GPR137B: variants seen among roughly 807,000 people sequenced by gnomAD.
GPR137B encodes G protein-coupled receptor 137B, also known as integral membrane protein GPR137B.
Under a neutral mutation model 42.5 loss-of-function variants are expected in GPR137B, and 42 were observed. The ratio of observed to expected loss-of-function variants is 0.99; its 90% CI spans 0.77 to 1.28. The LOEUF is 1.28. Among genes scored for constraint, GPR137B ranks in the 50% most tolerant of loss-of-function variants. The pLI, the probability that GPR137B is intolerant of heterozygous loss-of-function variation, is 0.00. For synonymous variants in GPR137B, 218 were observed against 209.7 expected, an observed-to-expected ratio of 1.04 and a Z score of -0.34; for missense variants, 487 against 493.9, an observed-to-expected ratio of 0.99 and a Z score of 0.13.
chr1:236,143,128 GGTC>G, intron 1 of GPR137B, 92 bp downstream of exon 1: 1 of 1,139,404 alleles, frequency 8.8e-7, no homozygotes, highest in South Asian at 1.5e-5. Context: ...CGCGGGGGCG[GGTC>G]CGGCCCTAGG....
At chr1:236,178,290 G>C in intron 2 of GPR137B, 124 bp from the exon 3 acceptor site, 1 of 644,924 alleles carries the variant, frequency 1.6e-6, no homozygotes, top group Admixed American at 2.7e-5. Flanking sequence ...TCTATTGCCA[G>C]AGTCCAAGCT....
chr1:236,154,968 T>C (rs1661977132), intron 1 of GPR137B, among the ~76,000 whole-genome samples: 1 of 152,198 alleles, frequency 6.6e-6, no homozygotes, highest in Non-Finnish European at 1.5e-5. Flanking sequence ...GCTGGTAAAC[T>C]GTGAACTGCA....
intron 5 of GPR137B, among the ~76,000 whole-genome samples, chr1:236,201,287 A>T (rs990952057): frequency 6.6e-6 from 1 of 152,046 alleles, no homozygotes; most frequent in Admixed American, 6.5e-5. Flanking sequence ...TTATTTTCCC[A>T]GGTGTTCTTT....
rs749223510 is a variant in GPR137B, at chr1:236,208,115, T to C, written c.1157T>C (p.Leu386Ser). Residue 386 changes from leucine (L) to serine (S), a missense_variant, in exon 7 of 7, where the codon TTG (leucine) becomes TCG (serine). By Grantham distance (145) the Leu-to-Ser change is moderately radical (BLOSUM62 -2). Transcript: ENST00000366592. ...TNSFLAQAGTLQDSTLDPDKP... is the reference protein window; with the variant it reads ...TNSFLAQAGTSQDSTLDPDKP... ...AGCTTCCTGGCACAAGCAGGAACTTTGCAAGACTCAACTTTGGATCCTGAC... is the reference window on the plus strand; with the variant it reads ...AGCTTCCTGGCACAAGCAGGAACTTCGCAAGACTCAACTTTGGATCCTGAC... 12 of 1,613,678 alleles carry C rather than the reference T, an allele frequency of 7.4e-6. No individual in the cohort carries two copies. The highest frequency in any genetic ancestry group is 1.0e-5 in the Non-Finnish European group (12 of 1,179,604).
At chr1:236,202,970 C>T (rs1663539518) in intron 5 of GPR137B, among the ~76,000 whole-genome samples, 1 of 152,148 alleles carries the variant, frequency 6.6e-6, no homozygotes, top group Admixed American at 6.5e-5. Context: ...GTCTTTTCCC[C>T]AGTGTATGTT....
At chr1:236,144,365 G>A (rs142345130) in intron 1 of GPR137B, among the ~76,000 whole-genome samples, 3,688 of 152,198 alleles carry the variant, frequency 0.024, 143 homozygotes, top group African/African-American at 0.084. Context: ...AGCAGAGATT[G>A]AACCACTGCA....
chr1:236,207,530 T>C lies in GPR137B; in HGVS notation c.1092-520T>C, dbSNP rs116541029. Among the ~76,000 whole-genome samples the C allele has an allele frequency of 2.8e-3, 422 of 152,334 alleles. 2 individuals carry two copies. The highest frequency in any genetic ancestry group is 9.7e-3 in the African/African-American group (403 of 41,578). On this transcript the variant is annotated intron_variant, in intron 6 of 6. Coordinates refer to ENST00000366592, the MANE Select transcript of GPR137B (RefSeq NM_003272.4). ...CCGATATGGTGAAGACAAGACCCCCTTTCTACTACATAGAGGAACATAATT... is the reference window on the plus strand; with the variant it reads ...CCGATATGGTGAAGACAAGACCCCCCTTCTACTACATAGAGGAACATAATT...
At chr1:236,201,552 T>C (rs1663494756) in intron 5 of GPR137B, among the ~76,000 whole-genome samples, 1 of 152,052 alleles carries the variant, frequency 6.6e-6, no homozygotes, top group South Asian at 2.1e-4. Flanking sequence ...CTTGATTCTA[T>C]TGTTGAAACT....
rs2102924153 is a variant in GPR137B, at chr1:236,199,471, A to T, written c.967-5655A>T. 1.3e-5 allele frequency among the ~76,000 whole-genome samples: 2 copies of T among 152,278 alleles called. 1 individual carries two copies. Among genetic ancestry groups the T allele is most frequent in the African/African-American group, 4.8e-5 (2 of 41,572 alleles). On this transcript the variant is annotated intron_variant, in intron 5 of 6. Transcript: ENST00000366592. Reference sequence around the variant, plus strand: ...ACGGTTTCAGAATAAGATTGGTACCAATTCTTCTTTGAATATCTGATAGAA... The same window carrying T: ...ACGGTTTCAGAATAAGATTGGTACCTATTCTTCTTTGAATATCTGATAGAA...
chr1:236,179,010 G>T (rs142954001), intron 3 of GPR137B, among the ~76,000 whole-genome samples: 3,199 of 151,522 alleles, frequency 0.021, 142 homozygotes, highest in African/African-American at 0.074. Flanking sequence ...TGTTAGCCAG[G>T]ATGGTCTCAA....
intron 1 of GPR137B, among the ~76,000 whole-genome samples, chr1:236,148,475 A>G (rs980821233): frequency 6.6e-6 from 1 of 152,178 alleles, no homozygotes; most frequent in African/African-American, 2.4e-5. Flanking sequence ...AACTCCTGCC[A>G]TTGCAGTCAC....
chr1:236,183,779 C>T lies in GPR137B; in HGVS notation c.839C>T (p.Ala280Val). ...ACTCTCCCTGTCTGTTTCTAACAGG[C>T]AGATTTGAAGAATCAGCTGGGAGAT... ...DYDWYNVSDQADLKNQLGDAG... is the reference protein window; with the variant it reads ...DYDWYNVSDQVDLKNQLGDAG... Residue 280 changes from alanine (A) to valine (V), a missense_variant and splice_region_variant, in exon 5 of 7, where the codon GCA becomes GTA. Coordinates refer to ENST00000366592, the MANE Select transcript of GPR137B (RefSeq NM_003272.4). 1 of 1,605,386 alleles carries T rather than the reference C, an allele frequency of 6.2e-7. No homozygotes were observed. The highest frequency in any genetic ancestry group is 8.5e-7 in the Non-Finnish European group (1 of 1,174,002).
chr1:236,143,543 T>C (rs779154038), intron 1 of GPR137B, among the ~76,000 whole-genome samples: 20 of 152,194 alleles, frequency 1.3e-4, no homozygotes, highest in Non-Finnish European at 2.6e-4. Flanking sequence ...TTTGATGAGA[T>C]GTTTTGAACC....
chr1:236,190,148 C>CTTCG (rs61093509), intron 5 of GPR137B, among the ~76,000 whole-genome samples: 1 of 119,400 alleles, frequency 8.4e-6, no homozygotes, highest in African/African-American at 3.2e-5. Flanking sequence ...CCTGCTTCTT[C>CTTCG]TTTTTTTTTT....
intron 3 of GPR137B, 34 bp from the exon 4 acceptor site, chr1:236,179,845 G>A (rs751285749): frequency 9.9e-6 from 15 of 1,514,766 alleles, no homozygotes; most frequent in Non-Finnish European, 1.3e-5. Flanking sequence ...CTTGGACCTG[G>A]AGTGTCCCAT....
intron 1 of GPR137B, among the ~76,000 whole-genome samples, chr1:236,145,942 C>T (rs921197817): frequency 3.9e-5 from 6 of 152,204 alleles, no homozygotes; most frequent in Admixed American, 2.6e-4. Flanking sequence ...ACTGCAACCT[C>T]TGCCTCCTGG....
At chr1:236,201,092 T>C (rs1663481408) in intron 5 of GPR137B, among the ~76,000 whole-genome samples, 1 of 152,042 alleles carries the variant, frequency 6.6e-6, no homozygotes, top group African/African-American at 2.4e-5. Context: ...TTTATGAAGC[T>C]TTGTTTTGCT....
Position 236,179,634 on chromosome 1 carries a change from C to G in GPR137B, c.688-245C>G, listed in dbSNP as rs549630702. On this transcript the variant is annotated intron_variant, in intron 3 of 6. Coordinates refer to ENST00000366592, the MANE Select transcript of GPR137B (RefSeq NM_003272.4). Reference sequence around the variant, plus strand: ...TTTCTTGCTCGTACACTCTAGGCCACGGGAAAATGGTGCATATTTTAACCC... The same window carrying G: ...TTTCTTGCTCGTACACTCTAGGCCAGGGGAAAATGGTGCATATTTTAACCC... 5.3e-5 allele frequency among the ~76,000 whole-genome samples: 8 copies of G among 152,266 alleles called. No individual in the cohort carries two copies. The South Asian group carries it at 1.7e-3, about 32-fold the overall frequency.
chr1:236,195,269 C>A (rs1250505532), intron 5 of GPR137B, among the ~76,000 whole-genome samples: 1 of 151,866 alleles, frequency 6.6e-6, no homozygotes, highest in Non-Finnish European at 1.5e-5. Context: ...CCGCCACTAC[C>A]CTTCCCAGCC....
Sources: gnomAD v4.1 joint callset for allele counts (sites outside exome capture counted in the v4.1 genomes callset) on GRCh38, gnomAD v4.1.1 for gene constraint, MANE v1.5 for transcripts, NCBI Gene and HGNC (gene_info 2026-07-23, HGNC 2026-07-21) for gene names.